ARL17B: variants seen among roughly 807,000 people sequenced by gnomAD.
The protein encoded by ARL17B is ADP-ribosylation factor-like protein 17.
intron 4 of ARL17B, among the ~76,000 whole-genome samples, chr17:46,288,085 C>G (rs1286659875): frequency 2.6e-5 from 4 of 152,118 alleles, no homozygotes; most frequent in Admixed American, 1.3e-4. Flanking sequence ...CGTCCTCAAG[C>G]TTCAAATTGA....
rs372675063 is a variant in ARL17B, at chr17:46,277,200, A to G, written c.*22-1782T>C. Among the ~76,000 whole-genome samples, 33 of 152,362 alleles carry G rather than the reference A, an allele frequency of 2.2e-4. No individual in the cohort carries two copies. The South Asian group carries it at 6.4e-3, about 30-fold the overall frequency. Reference sequence around the variant, plus strand: ...GTCAACTTCAGTATATTAAAAAGCTACATAAAATAACCAGGTGGCAAGAAG... The same window carrying G: ...GTCAACTTCAGTATATTAAAAAGCTGCATAAAATAACCAGGTGGCAAGAAG... On this transcript the variant is annotated intron_variant, in intron 4 of 4. Transcript: ENST00000570618.
downstream of ARL17B, chr17:46,330,958 G>A (rs1195162507): frequency 6.9e-6 from 5 of 724,994 alleles, 2 homozygotes; most frequent in African/African-American, 3.7e-5. Flanking sequence ...AGAAGTTAGC[G>A]GGAAACGCCG....
rs2049764843 is a variant in ARL17B, at chr17:46,281,588, C to T, written c.*22-6170G>A. Among the ~76,000 whole-genome samples the T allele has an allele frequency of 1.3e-5, 2 of 152,050 alleles. 1 individual carries two copies. Among genetic ancestry groups the T allele is most frequent in the South Asian group, 4.1e-4 (2 of 4,834 alleles). ...AGGACTACAGGTGCACGCCACTATG[C>T]CTGGTTAATTTTTAAAATTTTTGTA... On this transcript the variant is annotated intron_variant, in intron 4 of 4. Coordinates refer to the ARL17B transcript ENST00000570618.
chr17:46,278,410 TTG>T (rs1167021317), intron 4 of ARL17B, among the ~76,000 whole-genome samples: 28 of 106,508 alleles, frequency 2.6e-4, no homozygotes, highest in Middle Eastern at 6.0e-3. Context: ...TGTTTTTTTT[TTG>T]TTGTTGTTTT....
rs1259599624 is a variant in ARL17B at position 46,351,007 on chromosome 17, T to C, written c.259+1813A>G. Among the ~76,000 whole-genome samples, 6 of 22,134 alleles carry C rather than the reference T, an allele frequency of 2.7e-4. 2 individuals are homozygous for C. Among genetic ancestry groups the C allele is most frequent in the African/African-American group, 4.0e-4 (6 of 14,972 alleles). The allele number at this position is 22,134 out of a possible 152,430, so 14.5% of individuals were successfully genotyped here. On this transcript the variant is annotated intron_variant, in intron 3 of 3. Coordinates refer to ENST00000450673, the MANE Select transcript of ARL17B (RefSeq NM_001039083.5). ...TAGAAAGGATACTTTTTTTTTCTCT[T>C]TTTTTTTTTTTTTTGAGATGGAGTC...
chr17:46,316,905 T>A (rs541430421), intron 3 of ARL17B, among the ~76,000 whole-genome samples: 1 of 101,172 alleles, frequency 9.9e-6, no homozygotes, highest in African/African-American at 3.2e-5. Flanking sequence ...ACACAGCACA[T>A]GTTTCAGAGA....
At chr17:46,275,436 A>G in intron 4 of ARL17B, 1 of 903,268 alleles carries the variant, frequency 1.1e-6, no homozygotes, top group Non-Finnish European at 1.7e-6. Flanking sequence ...GTATAGAAAA[A>G]GGGAACAATT....
chr17:46,288,305 CTTTTTTTTT>C (rs78255121), intron 4 of ARL17B, among the ~76,000 whole-genome samples: 8 of 112,262 alleles, frequency 7.1e-5, no homozygotes, highest in Non-Finnish European at 1.2e-4. Flanking sequence ...CCAGGCCCGG[CTTTTTTTTT>C]TTTTTTTTTT....
chr17:46,284,485 A>G (rs2143393861), intron 4 of ARL17B, among the ~76,000 whole-genome samples: 1 of 152,384 alleles, frequency 6.6e-6, no homozygotes, highest in East Asian at 1.9e-4. Flanking sequence ...TCAAGGCAGA[A>G]GAACTTTTCT....
chr17:46,289,213 C>T (rs2532248), intron 4 of ARL17B, among the ~76,000 whole-genome samples: 10,594 of 136,828 alleles, frequency 0.077, no homozygotes, highest in Non-Finnish European at 0.12. Flanking sequence ...ATAAGAGTCT[C>T]ACTTTGTCAC....
intron 4 of ARL17B, among the ~76,000 whole-genome samples, chr17:46,282,091 G>GT (rs1412707264): frequency 6.6e-6 from 1 of 151,910 alleles, no homozygotes; most frequent in Non-Finnish European, 1.5e-5. Context: ...TTGTCCTTCA[G>GT]TTTTTTTGTT....
At position 46,292,945 on chromosome 17, in the gene ARL17B, CTTTTTTTTTTTT is replaced by C. The variant is rs57946759; in HGVS notation, c.*21+6569_*21+6580del. On this transcript the variant is annotated intron_variant, in intron 4 of 4. Transcript: ENST00000570618. Reference sequence around the variant, plus strand: ...CCCTATATAGGTATACCATTTTTATCTTTTTTTTTTTTTTTTTTTTTTTTTTGAGATGGAGTC... The same window carrying C: ...CCCTATATAGGTATACCATTTTTATCTTTTTTTTTTTTTTGAGATGGAGTC... 5.8e-4 allele frequency: 5 copies of C among 8,654 alleles called. 1 individual carries two copies. Among genetic ancestry groups the C allele is most frequent in the Non-Finnish European group, 1.3e-3 (2 of 1,488 alleles). 0.5% of individuals were successfully genotyped at this position (8,654 alleles called of 1,614,324 possible).
chr17:46,315,287 G>C (rs2051013103), intron 3 of ARL17B, among the ~76,000 whole-genome samples: 1 of 85,502 alleles, frequency 1.2e-5, no homozygotes, highest in African/African-American at 3.2e-5. Context: ...CACTTTGGGA[G>C]GCTGCGGTGG....
chr17:46,278,158 C>T (rs1413562700), intron 4 of ARL17B, among the ~76,000 whole-genome samples: 1 of 152,154 alleles, frequency 6.6e-6, no homozygotes, highest in Non-Finnish European at 1.5e-5. Context: ...TGTTGGCCAG[C>T]TGGTCTCGAA....
At chr17:46,275,729 T>C (rs1488892091) in intron 4 of ARL17B, among the ~76,000 whole-genome samples, 1 of 152,198 alleles carries the variant, frequency 6.6e-6, no homozygotes, top group Admixed American at 6.5e-5. Context: ...AGCATTACCA[T>C]TGTGGTGAAA....
intron 4 of ARL17B, among the ~76,000 whole-genome samples, chr17:46,281,187 T>TCCACCTGGCTC (rs2049753103): frequency 6.6e-6 from 1 of 152,202 alleles, no homozygotes; most frequent in African/African-American, 2.4e-5. Flanking sequence ...TTTCCATTTG[T>TCCACCTGGCTC]CCACCTGGCT....
chr17:46,282,406 G>GTT (rs1336468190), intron 4 of ARL17B, among the ~76,000 whole-genome samples: 6 of 148,940 alleles, frequency 4.0e-5, no homozygotes, highest in Admixed American at 6.7e-5. Context: ...CCTGGCCTCA[G>GTT]TTTTTTGTTT....
chr17:46,281,987 T>A (rs971169174), intron 4 of ARL17B, among the ~76,000 whole-genome samples: 1 of 152,152 alleles, frequency 6.6e-6, no homozygotes, highest in African/African-American at 2.4e-5. Flanking sequence ...GTCTATAACC[T>A]GCTGCCTACT....
intron 2 of ARL17B, among the ~76,000 whole-genome samples, chr17:46,356,302 CTTAAAG>C (rs1365500313): frequency 9.5e-4 from 39 of 41,054 alleles, no homozygotes; most frequent in African/African-American, 5.3e-3. Context: ...AAAAAATAAA[CTTAAAG>C]TTAAATACAA....
Sources: allele counts gnomAD v4.1 joint callset (sites outside exome capture counted in the v4.1 genomes callset), GRCh38; gene constraint gnomAD v4.1.1; transcripts MANE v1.5; gene names NCBI Gene and HGNC (gene_info 2026-07-23, HGNC 2026-07-21).